The following ZNF652 variants were observed in gnomAD, a reference collection of about 807,000 sequenced individuals.
ZNF652 encodes the protein zinc finger protein 652.
ZNF652 carries 16 observed loss-of-function variants against 45.2 expected under a neutral mutation model. The observed-to-expected ratio is 0.35, with a 90% CI of 0.24 to 0.54. The LOEUF is 0.54. Ranked by LOEUF, ZNF652 falls within the 20% of genes least tolerant of loss-of-function variation. ZNF652 has a pLI of 0.91. For synonymous variants in ZNF652, 250 were observed against 260.6 expected (o/e 0.96, Z 0.39); for missense variants, 614 against 765.6 (o/e 0.80, Z 2.34).
chr17:49,300,950 G>A (rs2069544416), intron 5 of ZNF652, among the ~76,000 whole-genome samples: 1 of 152,120 alleles, frequency 6.6e-6, no homozygotes, highest in Admixed American at 6.5e-5. Context: ...TCTGCAGCCT[G>A]GTTCTAGAGT....
At chr17:49,358,392 CT>C (rs1404837440) in intron 1 of ZNF652, among the ~76,000 whole-genome samples, 1 of 152,198 alleles carries the variant, frequency 6.6e-6, no homozygotes, top group African/African-American at 2.4e-5. Flanking sequence ...AGACCTAAGA[CT>C]TCACAACAAG....
chr17:49,358,662 T>C (rs961283877), intron 1 of ZNF652, among the ~76,000 whole-genome samples: 11 of 152,206 alleles, frequency 7.2e-5, no homozygotes, highest in South Asian at 2.1e-4. Flanking sequence ...GTAGCATTAC[T>C]AATCAACTTT....
chr17:49,298,869 G>T lies in ZNF652; in HGVS notation c.1365C>A (p.Asn455Lys). The stretch of plus-strand genomic sequence containing the variant: ...TGTGAGTTCTGCGGTGTCTCTTCAT[G>T]TTGGGGCGGCTGGTGAAGCTTTTGC... ...ICGKSFTSRPNMKRHRRTHTG... is the reference protein window; with the variant it reads ...ICGKSFTSRPKMKRHRRTHTG... The change falls in exon 6 of 6, where the codon AAC becomes AAA. Residue 455 changes from asparagine (N) to lysine (K), a missense_variant. By Grantham distance (94) the Asn-to-Lys change is moderately conservative. Around this residue, in one of 5 missense-constraint regions of ZNF652, gnomAD observed 81 missense variants for 167.0 expected, o/e 0.48. Coordinates refer to ENST00000430262, the MANE Select transcript of ZNF652 (RefSeq NM_001145365.3). 6.2e-7 allele frequency: 1 copy of T among 1,613,620 alleles called. No individual in the cohort carries two copies. Among genetic ancestry groups the T allele is most frequent in the South Asian group, 1.1e-5 (1 of 91,078 alleles).
intron 1 of ZNF652, among the ~76,000 whole-genome samples, chr17:49,330,986 A>T (rs2070016864): frequency 6.6e-6 from 1 of 151,442 alleles, no homozygotes; most frequent in Non-Finnish European, 1.5e-5. Flanking sequence ...CTGAGACAGG[A>T]GAATTGCTTG....
rs2069831896 is a variant in ZNF652 at position 49,317,803 on chromosome 17, ATCTTT to A, written c.-83_-79del. On this transcript the variant is annotated 5_prime_UTR_variant, in exon 2 of 6. It introduces an in-frame stop codon into an upstream open reading frame of the 5' UTR. Transcript: ENST00000430262. Reference sequence around the variant, plus strand: ...AAACAAGGTAATTATTAAGACTCAAATCTTTTCTCATCCACAAAGAATCACTCAAA... The same window carrying A: ...AAACAAGGTAATTATTAAGACTCAAATCTCATCCACAAAGAATCACTCAAA... 1 of 1,097,578 alleles carries A rather than the reference ATCTTT, an allele frequency of 9.1e-7. No individual in the cohort carries two copies. Among genetic ancestry groups the A allele is most frequent in the Middle Eastern group, 2.1e-4 (1 of 4,732 alleles). 68.0% of individuals were successfully genotyped at this position (1,097,578 alleles called of 1,614,324 possible). A position where few individuals can be genotyped will look rare whatever the true frequency, so the allele number is the denominator to read the frequency against.
Position 49,298,206 on chromosome 17 carries a change from G to T in ZNF652, c.*207C>A. Reference sequence around the variant, plus strand: ...AAGCAAATTGGGCTTTAGTTCAGTGGTTCCCCTGGTTTAGATGACAGTCCC... The same window carrying T: ...AAGCAAATTGGGCTTTAGTTCAGTGTTTCCCCTGGTTTAGATGACAGTCCC... On this transcript the variant is annotated 3_prime_UTR_variant, in exon 6 of 6. Coordinates refer to ENST00000430262, the MANE Select transcript of ZNF652 (RefSeq NM_001145365.3). The T allele has an allele frequency of 1.6e-6, 1 of 618,622 alleles. No individual in the cohort carries two copies. Among genetic ancestry groups the T allele is most frequent in the Non-Finnish European group, 2.7e-6 (1 of 373,588 alleles). 38.3% of individuals were successfully genotyped at this position (618,622 alleles called of 1,614,324 possible).
Position 49,345,567 on chromosome 17 carries a change from C to T in ZNF652, c.-259+16342G>A, listed in dbSNP as rs150602916. Among the ~76,000 whole-genome samples, 712 of 149,968 alleles carry T rather than the reference C, an allele frequency of 4.7e-3. 9 individuals carry two copies. The highest frequency in any genetic ancestry group is 0.016 in the African/African-American group (662 of 41,076). ...TTAAAAAGAAATGAAGTAGGCCGGG[C>T]GTGGTGGCTCACGCCTGTAATCCCA... On this transcript the variant is annotated intron_variant, in intron 1 of 5. Transcript: ENST00000430262.
chr17:49,361,784 G>A (rs1427397065), intron 1 of ZNF652, 125 bp downstream of exon 1: 1 of 151,928 alleles, frequency 6.6e-6, no homozygotes, highest in Admixed American at 6.5e-5. Flanking sequence ...GCACGCAGCT[G>A]CCTCGGCGAA....
intron 1 of ZNF652, among the ~76,000 whole-genome samples, chr17:49,322,144 AAG>A (rs1161719187): frequency 6.6e-6 from 1 of 152,202 alleles, no homozygotes; most frequent in Admixed American, 6.5e-5. Flanking sequence ...AGCTTTTCTA[AAG>A]AGACTAAAGA....
In ZNF652 at chr17:49,316,844, G is replaced by A; in HGVS notation, c.882C>T (p.Asp294=). 1.2e-6 allele frequency: 2 copies of A among 1,609,000 alleles called. No homozygotes were observed. The highest frequency in any genetic ancestry group is 2.2e-5 in the South Asian group (2 of 90,534). ...ESELSLHQQT[D]CEKNIQCVSC... ...AACCTACCTGAATGTTTTTTTCACA[G>A]TCTGTTTGCTGGTGAAGGGACAGCT... The change falls in exon 2 of 6, where the codon GAC becomes GAT. Residue 294 remains aspartate, a synonymous_variant. Coordinates refer to ENST00000430262, the MANE Select transcript of ZNF652 (RefSeq NM_001145365.3).
At chr17:49,314,032 A>G (rs2143782763) in intron 2 of ZNF652, among the ~76,000 whole-genome samples, 1 of 146,162 alleles carries the variant, frequency 6.8e-6, no homozygotes, top group East Asian at 2.0e-4. Flanking sequence ...AAGAAAATGC[A>G]TTTGGAGCAT....
At chr17:49,310,143 T>C (rs1031018007) in intron 5 of ZNF652, among the ~76,000 whole-genome samples, 2 of 152,190 alleles carry the variant, frequency 1.3e-5, no homozygotes, top group East Asian at 1.9e-4. Flanking sequence ...TTAGTAGAGA[T>C]GGGGTTTCAC....
At chr17:49,341,185 T>C (rs967995728) in intron 1 of ZNF652, among the ~76,000 whole-genome samples, 5 of 151,924 alleles carry the variant, frequency 3.3e-5, no homozygotes, top group Admixed American at 3.3e-4. Flanking sequence ...GCCACTGTAC[T>C]CTAGACTGGG....
intron 2 of ZNF652, among the ~76,000 whole-genome samples, chr17:49,316,164 C>A (rs1199824686): frequency 1.3e-5 from 2 of 152,222 alleles, no homozygotes; most frequent in East Asian, 3.8e-4. Flanking sequence ...CCTTTCACGA[C>A]AACAGCCTGG....
rs566533955 is a variant in ZNF652 at position 49,312,287 on chromosome 17, TC to T, written c.1049-246del. ...TTCAAGTGATTATCCTGCCTCAGCC[TC>T]CCGAGTAGTTGGGATTACAGGCATG... On this transcript the variant is annotated intron_variant, in intron 3 of 5. Coordinates refer to ENST00000430262, the MANE Select transcript of ZNF652 (RefSeq NM_001145365.3). 2.1e-3 allele frequency among the ~76,000 whole-genome samples: 317 copies of T among 148,300 alleles called. 2 individuals are homozygous for T. The highest frequency in any genetic ancestry group is 7.5e-3 in the African/African-American group (304 of 40,454).
At chr17:49,336,376 C>T (rs1312146116) in intron 1 of ZNF652, among the ~76,000 whole-genome samples, 1 of 144,886 alleles carries the variant, frequency 6.9e-6, no homozygotes, top group Non-Finnish European at 1.5e-5. Flanking sequence ...TAGGCCCCGG[C>T]TGGAATGCAA....
chr17:49,344,518 A>ATTT (rs35027750), intron 1 of ZNF652, among the ~76,000 whole-genome samples: 8 of 110,102 alleles, frequency 7.3e-5, no homozygotes, highest in South Asian at 2.8e-4. Flanking sequence ...TCAAAGCAAA[A>ATTT]TTTTTTTTTT....
At position 49,342,588 on chromosome 17, in the gene ZNF652, T is replaced by C. The variant is rs143017676; in HGVS notation, c.-259+19321A>G. ...GGGGGGGGGAATCAATACATTTTCATGCTACAACATATCTTAACTCTTCAG... is the reference window on the plus strand; with the variant it reads ...GGGGGGGGGAATCAATACATTTTCACGCTACAACATATCTTAACTCTTCAG... On this transcript the variant is annotated intron_variant, in intron 1 of 5. Coordinates refer to ENST00000430262, the MANE Select transcript of ZNF652 (RefSeq NM_001145365.3). 5.5e-5 allele frequency among the ~76,000 whole-genome samples: 8 copies of C among 144,610 alleles called. No homozygotes were observed. In the East Asian group the frequency reaches 1.7e-3, roughly 31 times the overall value. 94.9% of individuals were successfully genotyped at this position (144,610 alleles called of 152,430 possible).
intron 1 of ZNF652, among the ~76,000 whole-genome samples, chr17:49,353,122 T>A (rs938635963): frequency 1.3e-5 from 2 of 152,234 alleles, no homozygotes; most frequent in Non-Finnish European, 2.9e-5. Flanking sequence ...TATATTAATT[T>A]AAAAAATAAA....
Sources: gnomAD v4.1 joint callset for allele counts (sites outside exome capture counted in the v4.1 genomes callset) on GRCh38, gnomAD v4.1.1 for gene constraint, gnomAD v4.1.1 regional missense constraint, MANE v1.5 for transcripts, NCBI Gene and HGNC (gene_info 2026-07-23, HGNC 2026-07-21) for gene names.